The following WDHD1 variants were observed in gnomAD, a reference collection of about 807,000 sequenced individuals.
WDHD1 encodes WD repeat and HMG-box DNA-binding protein 1.
In WDHD1, 111 loss-of-function variants were observed where a neutral mutation model predicts 135.4. The ratio of observed to expected loss-of-function variants is 0.82; its 90% CI spans 0.70 to 0.96. The LOEUF (loss-of-function observed/expected upper bound fraction) is 0.96. WDHD1 is among the 40% of genes least tolerant of loss of function. The pLI is 0.00. For missense variants in WDHD1, 1,351 were observed against 1,336.3 expected (o/e 1.01, Z -0.17); for synonymous variants, 434 against 439.0 (o/e 0.99, Z 0.14).
At chr14:55,005,312 T>A (rs1595114273) in intron 7 of WDHD1, 1 of 552,324 alleles carries the variant, frequency 1.8e-6, no homozygotes. Context: ...AGCACTGGGA[T>A]TAGTCACCAT....
intron 3 of WDHD1, among the ~76,000 whole-genome samples, chr14:55,012,476 T>C (rs935278395): frequency 1.3e-5 from 2 of 152,176 alleles, no homozygotes; most frequent in African/African-American, 4.8e-5. Flanking sequence ...ACACAAAACA[T>C]CAGAAACACA....
chr14:54,990,481 A>G (rs1017409469), intron 12 of WDHD1, among the ~76,000 whole-genome samples: 1 of 151,934 alleles, frequency 6.6e-6, no homozygotes, highest in African/African-American at 2.4e-5. Flanking sequence ...CTGTAGTCCC[A>G]GCTACTCGGG....
At chr14:54,983,824 A>C (rs2140192791) in intron 15 of WDHD1, among the ~76,000 whole-genome samples, 1 of 152,270 alleles carries the variant, frequency 6.6e-6, no homozygotes, top group Admixed American at 6.5e-5. Context: ...CAGCCAAAAA[A>C]AAAATTATTT....
At chr14:55,015,228 T>C (rs28446981) in intron 2 of WDHD1, among the ~76,000 whole-genome samples, 54,455 of 151,652 alleles carry the variant, frequency 0.36, 10,045 homozygotes, top group African/African-American at 0.45. Context: ...CTACTAAAAA[T>C]ACAAACATTA....
chr14:54,962,655 T>G, intron 20 of WDHD1, 83 bp downstream of exon 20: 3 of 1,546,830 alleles, frequency 1.9e-6, no homozygotes, highest in Non-Finnish European at 2.7e-6. Context: ...GTATGAGTAT[T>G]CAATTTCCCT....
intron 14 of WDHD1, among the ~76,000 whole-genome samples, chr14:54,986,319 A>C (rs1566727319): frequency 6.6e-6 from 1 of 152,186 alleles, no homozygotes; most frequent in Non-Finnish European, 1.5e-5. Context: ...TATAGAATAT[A>C]TTTCTTTTCT....
chr14:55,010,207 A>G, intron 4 of WDHD1, 102 bp downstream of exon 4: 1 of 1,241,324 alleles, frequency 8.1e-7, no homozygotes. Context: ...AACAACAAAC[A>G]ACAAAAAATT....
chr14:54,960,501 T>A (rs927296706), intron 21 of WDHD1, among the ~76,000 whole-genome samples: 3 of 150,552 alleles, frequency 2.0e-5, no homozygotes, highest in African/African-American at 7.3e-5. Flanking sequence ...TTTATTTACT[T>A]CTTCTTATTA....
chr14:54,941,804 G>A, intron 25 of WDHD1, 114 bp from the exon 26 acceptor site: 6 of 893,882 alleles, frequency 6.7e-6, no homozygotes, highest in Non-Finnish European at 9.9e-6. Flanking sequence ...AGAATAATTA[G>A]CACTTGAATT....
At chr14:54,944,580 T>G (rs2040889730) in intron 24 of WDHD1, 110 bp from the exon 25 acceptor site, 1 of 1,030,716 alleles carries the variant, frequency 9.7e-7, no homozygotes, top group Non-Finnish European at 1.3e-6. Flanking sequence ...TTATATAAAG[T>G]AAGGAAGACA....
At chr14:55,011,170 C>T (rs1242604154) in intron 3 of WDHD1, among the ~76,000 whole-genome samples, 2 of 152,126 alleles carry the variant, frequency 1.3e-5, no homozygotes, top group African/African-American at 2.4e-5. Context: ...TTACTTTTTC[C>T]TCCTTTACAG....
Position 54,957,176 on chromosome 14 carries a change from A to G in WDHD1, c.2774T>C (p.Met925Thr), listed in dbSNP as rs1296251172. The change falls in exon 23 of 26, where the codon ATG (methionine) becomes ACG (threonine). Residue 925 changes from methionine to threonine, a missense_variant. Physicochemically the swap from Met to Thr is moderately conservative, Grantham distance 81 (BLOSUM62 -1). Coordinates refer to ENST00000360586, the MANE Select transcript of WDHD1 (RefSeq NM_007086.4). ...KVSASSKEPA[M>T]SMNSARSTNI... is the part of the protein sequence containing the mutation. Reference sequence around the variant, plus strand: ...AGTTGAACGTGCTGAATTCATTGACATGGCTGGTTCTTTGGAACTGGCTGA... The same window carrying G: ...AGTTGAACGTGCTGAATTCATTGACGTGGCTGGTTCTTTGGAACTGGCTGA... 1 of 1,614,080 alleles carries G rather than the reference A, an allele frequency of 6.2e-7. No homozygotes were observed. Among genetic ancestry groups the G allele is most frequent in the African/African-American group, 1.3e-5 (1 of 75,064 alleles).
chr14:54,988,683 A>G (rs1264875736), intron 13 of WDHD1, among the ~76,000 whole-genome samples: 1 of 151,500 alleles, frequency 6.6e-6, no homozygotes, highest in African/African-American at 2.4e-5. Flanking sequence ...AAACTTCTAT[A>G]CTGTATACTG....
intron 24 of WDHD1, among the ~76,000 whole-genome samples, chr14:54,952,658 G>C (rs1244587860): frequency 6.6e-6 from 1 of 152,044 alleles, no homozygotes; most frequent in Non-Finnish European, 1.5e-5. Context: ...AGTTCATATG[G>C]AACCAAAAAA....
intron 21 of WDHD1, among the ~76,000 whole-genome samples, chr14:54,958,328 T>C (rs897269179): frequency 4.6e-5 from 7 of 152,268 alleles, no homozygotes; most frequent in African/African-American, 1.2e-4. Context: ...GGTTTCACCA[T>C]GTTGGCCAGG....
At chr14:54,962,457 C>A (rs2041267449) in intron 21 of WDHD1, 41 bp downstream of exon 21, 2 of 1,524,804 alleles carry the variant, frequency 1.3e-6, no homozygotes, top group Non-Finnish European at 1.8e-6. Context: ...AGATGACTTG[C>A]AAAATTTCCT....
intron 7 of WDHD1, chr14:55,004,789 C>T: frequency 2.3e-6 from 1 of 428,394 alleles, no homozygotes; most frequent in South Asian, 1.7e-5. Flanking sequence ...TTCCATGTTG[C>T]TTAAGAGCCT....
intron 18 of WDHD1, among the ~76,000 whole-genome samples, chr14:54,965,843 C>A (rs1238332014): frequency 6.6e-6 from 1 of 151,650 alleles, no homozygotes; most frequent in Non-Finnish European, 1.5e-5. Context: ...GTAGTCCCAG[C>A]TACTCGGAAG....
chr14:54,966,664 T>C (rs2041351187), intron 17 of WDHD1, 58 bp from the exon 18 acceptor site: 5 of 1,511,220 alleles, frequency 3.3e-6, no homozygotes, highest in Non-Finnish European at 4.4e-6. Flanking sequence ...GAGGCAAGCG[T>C]TAAATATTTA....
Sources: gnomAD v4.1 joint callset for allele counts (sites outside exome capture counted in the v4.1 genomes callset) on GRCh38, gnomAD v4.1.1 for gene constraint, MANE v1.5 for transcripts, NCBI Gene and HGNC (gene_info 2026-07-23, HGNC 2026-07-21) for gene names.